RAB27A: variants seen among roughly 807,000 people sequenced by gnomAD.
RAB27A encodes the protein RAB27A, member RAS oncogene family.
A neutral mutation model predicts 20.8 loss-of-function variants in RAB27A; 17 were observed. That is an observed-to-expected ratio of 0.82 (90% CI 0.56 to 1.23). The LOEUF (loss-of-function observed/expected upper bound fraction) is 1.23, where lower values mean the gene tolerates loss of function less well. Among genes scored for constraint, RAB27A ranks in the 50% most tolerant of loss-of-function variants. The pLI is 0.00. For missense variants in RAB27A, 277 were observed against 266.7 expected, an observed-to-expected ratio of 1.04 and a Z score of -0.27; for synonymous variants, 85 against 92.8, an observed-to-expected ratio of 0.92 and a Z score of 0.48.
chr15:55,254,454 C>A (rs1897009366), intron 2 of RAB27A, among the ~76,000 whole-genome samples: 1 of 151,904 alleles, frequency 6.6e-6, no homozygotes, highest in South Asian at 2.1e-4. Context: ...TTAGAATCTA[C>A]AGCATACAAC....
chr15:55,299,252 G>A (rs191136501), intron 2 of RAB27A, among the ~76,000 whole-genome samples: 25 of 152,254 alleles, frequency 1.6e-4, no homozygotes, highest in South Asian at 8.3e-4. Context: ...CACAATCCAC[G>A]TTCTTCTGCC....
chr15:55,294,070 G>A (rs1440393104), upstream of RAB27A, among the ~76,000 whole-genome samples: 1 of 151,802 alleles, frequency 6.6e-6, no homozygotes, highest in Non-Finnish European at 1.5e-5. Context: ...AATTGCAAAG[G>A]ACCCAAAAAT....
chr15:55,262,282 A>G (rs553962927), intron 2 of RAB27A, among the ~76,000 whole-genome samples: 1 of 151,982 alleles, frequency 6.6e-6, no homozygotes, highest in Non-Finnish European at 1.5e-5. Context: ...TGGCTCATGC[A>G]TGTAATCCTA....
chr15:55,276,264 A>G (rs896676791), intron 1 of RAB27A, among the ~76,000 whole-genome samples: 3 of 152,220 alleles, frequency 2.0e-5, no homozygotes, highest in Non-Finnish European at 4.4e-5. Flanking sequence ...TATACATACA[A>G]TGAAAAAGTA....
chr15:55,254,431 T>A (rs1396020663), intron 2 of RAB27A, among the ~76,000 whole-genome samples: 1 of 152,120 alleles, frequency 6.6e-6, no homozygotes. Context: ...AATAAAAGTT[T>A]TTTATTTTTC....
In RAB27A at chr15:55,223,908, C is replaced by G; in HGVS notation, c.448G>C (p.Ala150Pro). 1 of 1,613,808 alleles carries G rather than the reference C, an allele frequency of 6.2e-7. No homozygotes were observed. Among genetic ancestry groups the G allele is most frequent in the Non-Finnish European group, 8.5e-7 (1 of 1,179,902 alleles). The change falls in exon 6 of 7, where the codon GCA becomes CCA. Residue 150 changes from alanine to proline, a missense_variant. Coordinates refer to ENST00000336787, the MANE Select transcript of RAB27A (RefSeq NM_183235.3). The stretch of plus-strand genomic sequence containing the variant: ...ACTCACCCATATTTCTCTGCGAGTG[C>G]TATGGCTTCCTCCTCTTTCACTACT... The part of the protein sequence containing the change: ...QRVVKEEEAI[A>P]LAEKYGIPYF...
chr15:55,290,684 T>C (rs1304799286), upstream of RAB27A, among the ~76,000 whole-genome samples: 1 of 152,212 alleles, frequency 6.6e-6, no homozygotes, highest in Non-Finnish European at 1.5e-5. Flanking sequence ...GTAGTGAACC[T>C]GGGACTGCGT....
chr15:55,239,265 A>G (rs1386757328), intron 2 of RAB27A, among the ~76,000 whole-genome samples: 1 of 152,232 alleles, frequency 6.6e-6, no homozygotes, highest in Non-Finnish European at 1.5e-5. Context: ...GTTTAGACCA[A>G]TATAGACTGG....
chr15:55,213,686 A>C (rs948804728), intron 6 of RAB27A, among the ~76,000 whole-genome samples: 4 of 152,170 alleles, frequency 2.6e-5, no homozygotes, highest in African/African-American at 7.2e-5. Context: ...TGAACTGCCC[A>C]TGTGAGGGAT....
intron 2 of RAB27A, among the ~76,000 whole-genome samples, chr15:55,241,624 A>ATATATATATATATATATATATGTGTGTG (rs377301086): frequency 9.3e-5 from 11 of 117,658 alleles, no homozygotes; most frequent in African/African-American, 3.5e-4. Flanking sequence ...ATATATATAT[A>ATATATATATATATATATATATGTGTGTG]TGTGTGTATA....
intron 2 of RAB27A, among the ~76,000 whole-genome samples, chr15:55,247,964 C>T (rs1412978891): frequency 6.8e-6 from 1 of 146,412 alleles, no homozygotes; most frequent in East Asian, 2.0e-4. Context: ...TTGAGACTCT[C>T]ACTCTGTGGC....
intron 2 of RAB27A, among the ~76,000 whole-genome samples, chr15:55,236,458 C>T (rs1229066589): frequency 6.6e-6 from 1 of 152,062 alleles, no homozygotes; most frequent in Non-Finnish European, 1.5e-5. Context: ...ACCAAGGGCT[C>T]GCTTACCTAT....
chr15:55,295,354 TA>T (rs2054944631), intron 2 of RAB27A, among the ~76,000 whole-genome samples: 1 of 152,146 alleles, frequency 6.6e-6, no homozygotes. Flanking sequence ...GAACTATGCC[TA>T]AAAGAACTGA....
At chr15:55,258,106 G>A (rs947610248) in intron 2 of RAB27A, among the ~76,000 whole-genome samples, 5 of 151,102 alleles carry the variant, frequency 3.3e-5, no homozygotes, top group African/African-American at 9.7e-5. Flanking sequence ...CAGTGAGGAG[G>A]AGTTGTAGTA....
chr15:55,225,249 GCA>G (rs1277660697), intron 5 of RAB27A, among the ~76,000 whole-genome samples: 2 of 152,204 alleles, frequency 1.3e-5, no homozygotes, highest in Non-Finnish European at 2.9e-5. Flanking sequence ...CATGCTATGA[GCA>G]CAGACTCAGG....
At chr15:55,312,150 T>A (rs753529894) in intron 2 of RAB27A, among the ~76,000 whole-genome samples, 1 of 151,936 alleles carries the variant, frequency 6.6e-6, no homozygotes, top group Non-Finnish European at 1.5e-5. Context: ...CGATCAGGAG[T>A]GGCAATGGGC....
chr15:55,292,903 G>T (rs1229818509), upstream of RAB27A, among the ~76,000 whole-genome samples: 1 of 152,152 alleles, frequency 6.6e-6, no homozygotes, highest in Non-Finnish European at 1.5e-5. Flanking sequence ...AGCATTTAAG[G>T]CATGAGCAAT....
chr15:55,213,751 T>C (rs1347782549), intron 6 of RAB27A, among the ~76,000 whole-genome samples: 2 of 152,176 alleles, frequency 1.3e-5, no homozygotes, highest in Non-Finnish European at 2.9e-5. Flanking sequence ...CACTGTCTCC[T>C]ATCACCCCCA....
chr15:55,252,228 G>A (rs1485129427), intron 2 of RAB27A, among the ~76,000 whole-genome samples: 1 of 151,988 alleles, frequency 6.6e-6, no homozygotes, highest in Non-Finnish European at 1.5e-5. Flanking sequence ...GGGTGGTGAG[G>A]GATATAAAAA....
Sources: gnomAD v4.1 joint callset for allele counts (sites outside exome capture counted in the v4.1 genomes callset) on GRCh38, gnomAD v4.1.1 for gene constraint, MANE v1.5 for transcripts, NCBI Gene and HGNC (gene_info 2026-07-23, HGNC 2026-07-21) for gene names.